Variants in CCDC85A observed in about 807,000 individuals in gnomAD.
The protein encoded by CCDC85A is coiled-coil domain containing 85A.
Under a neutral mutation model 50.2 loss-of-function variants are expected in CCDC85A, and 38 were observed. The ratio of observed to expected loss-of-function variants is 0.76; its 90% CI spans 0.58 to 0.99. The LOEUF is 0.99. Ranked by LOEUF, CCDC85A falls within the 50% of genes least tolerant of loss-of-function variation. The pLI, the probability that CCDC85A is intolerant of heterozygous loss-of-function variation, is 0.00. For missense variants in CCDC85A, 820 were observed against 742.0 expected (o/e 1.11, Z -1.22); for synonymous variants, 366 against 301.4 (o/e 1.21, Z -2.22).
intron 2 of CCDC85A, among the ~76,000 whole-genome samples, chr2:56,278,489 T>G (rs1188735146): frequency 1.3e-5 from 2 of 152,186 alleles, no homozygotes; most frequent in Non-Finnish European, 2.9e-5. Flanking sequence ...TGATATCTGG[T>G]TCAAGGATCA....
At chr2:56,340,497 G>A (rs540833630) in intron 2 of CCDC85A, among the ~76,000 whole-genome samples, 1 of 152,162 alleles carries the variant, frequency 6.6e-6, no homozygotes, top group Non-Finnish European at 1.5e-5. Flanking sequence ...AGCAGCCCCA[G>A]TTCTTGCCCC....
chr2:56,331,655 G>A (rs1673802055), intron 2 of CCDC85A, among the ~76,000 whole-genome samples: 1 of 152,084 alleles, frequency 6.6e-6, no homozygotes, highest in Admixed American at 6.6e-5. Flanking sequence ...TGATTTATAT[G>A]CAAACCATCA....
chr2:56,381,232 T>C (rs1272261334), intron 5 of CCDC85A, among the ~76,000 whole-genome samples: 1 of 152,134 alleles, frequency 6.6e-6, no homozygotes, highest in Non-Finnish European at 1.5e-5. Flanking sequence ...TGCACCACCA[T>C]TCACTTTCTG....
intron 2 of CCDC85A, among the ~76,000 whole-genome samples, chr2:56,233,884 T>G (rs1573069102): frequency 6.6e-6 from 1 of 152,138 alleles, no homozygotes; most frequent in African/African-American, 2.4e-5. Flanking sequence ...TGTTTTGCAG[T>G]CTGGGTGGAT....
At chr2:56,379,050 A>C (rs190683332) in intron 5 of CCDC85A, among the ~76,000 whole-genome samples, 8 of 152,338 alleles carry the variant, frequency 5.3e-5, no homozygotes, top group Admixed American at 3.3e-4. Flanking sequence ...CAACGTGTTT[A>C]GGGCTAATTT....
At chr2:56,210,599 G>C (rs558734670) in intron 2 of CCDC85A, among the ~76,000 whole-genome samples, 3 of 152,134 alleles carry the variant, frequency 2.0e-5, no homozygotes, top group African/African-American at 7.2e-5. Context: ...GGGACCATCT[G>C]GAGGTAACTT....
At chr2:56,371,299 AC>A (rs1676059432) in intron 3 of CCDC85A, among the ~76,000 whole-genome samples, 1 of 152,090 alleles carries the variant, frequency 6.6e-6, no homozygotes, top group South Asian at 2.1e-4. Flanking sequence ...TTCACTTAAG[AC>A]CATGGTGCAT....
intron 2 of CCDC85A, among the ~76,000 whole-genome samples, chr2:56,291,520 A>G (rs959818739): frequency 6.6e-6 from 1 of 152,194 alleles, no homozygotes; most frequent in Non-Finnish European, 1.5e-5. Flanking sequence ...TGAGTAGATG[A>G]TATTTAAGCT....
At chr2:56,337,906 T>C (rs1449086117) in intron 2 of CCDC85A, among the ~76,000 whole-genome samples, 3 of 151,808 alleles carry the variant, frequency 2.0e-5, no homozygotes, top group Non-Finnish European at 4.4e-5. Context: ...TGCCTCAGCC[T>C]CCCGAGTAGC....
intron 2 of CCDC85A, among the ~76,000 whole-genome samples, chr2:56,233,586 A>G (rs181786854): frequency 6.6e-6 from 1 of 152,342 alleles, no homozygotes; most frequent in East Asian, 1.9e-4. Flanking sequence ...TTGGAATTTT[A>G]CATATTTTAC....
At position 56,375,822 on chromosome 2, in the gene CCDC85A, T is replaced by C. The variant is rs755044024; in HGVS notation, c.1459T>C (p.Phe487Leu). 4.3e-6 allele frequency: 7 copies of C among 1,613,546 alleles called. No individual in the cohort carries two copies. Among genetic ancestry groups the C allele is most frequent in the Non-Finnish European group, 5.9e-6 (7 of 1,179,714 alleles). Residue 487 changes from phenylalanine to leucine, a missense_variant, in exon 5 of 6, where the codon TTT becomes CTT. Physicochemically the swap from Phe to Leu is conservative, Grantham distance 22. Coordinates refer to ENST00000407595, the MANE Select transcript of CCDC85A (RefSeq NM_001080433.2). ...GRCLPTLPGS[F>L]RLSSGADGSN... is the part of the protein sequence containing the mutation. ...TTGTTGATTTTCTACTAAGGGTTCT[T>C]TTAGGTTGTCATCAGGGGCTGATGG...
chr2:56,307,855 C>A (rs1335879660), intron 2 of CCDC85A, among the ~76,000 whole-genome samples: 2 of 152,178 alleles, frequency 1.3e-5, no homozygotes. Flanking sequence ...ATAGATAGGA[C>A]TGAGTGCTTC....
chr2:56,275,894 A>C (rs214041), intron 2 of CCDC85A, among the ~76,000 whole-genome samples: 101,787 of 151,976 alleles, frequency 0.67, 34,443 homozygotes, highest in East Asian at 0.83. Context: ...AGTAAATCTG[A>C]CCTTTTGTTT....
intron 2 of CCDC85A, among the ~76,000 whole-genome samples, chr2:56,296,685 C>T (rs1468389181): frequency 6.6e-6 from 1 of 152,066 alleles, no homozygotes; most frequent in Non-Finnish European, 1.5e-5. Flanking sequence ...ACATCTGGGG[C>T]ATGAGGGAAG....
chr2:56,196,741 G>T (rs1676535779), intron 2 of CCDC85A, among the ~76,000 whole-genome samples: 1 of 152,056 alleles, frequency 6.6e-6, no homozygotes, highest in Admixed American at 6.5e-5. Flanking sequence ...CTCACCCACT[G>T]GACATAATGA....
At chr2:56,297,591 A>G (rs1284060147) in intron 2 of CCDC85A, among the ~76,000 whole-genome samples, 2 of 152,176 alleles carry the variant, frequency 1.3e-5, no homozygotes, top group African/African-American at 4.8e-5. Context: ...GGCCATGGAA[A>G]GCGGCCCCTC....
intron 2 of CCDC85A, among the ~76,000 whole-genome samples, chr2:56,205,916 G>A (rs1456504223): frequency 2.0e-5 from 3 of 152,178 alleles, no homozygotes; most frequent in Non-Finnish European, 4.4e-5. Flanking sequence ...TGGGAGATGG[G>A]TCATTGGCTG....
At chr2:56,276,375 C>T (rs958124676) in intron 2 of CCDC85A, among the ~76,000 whole-genome samples, 5 of 151,952 alleles carry the variant, frequency 3.3e-5, no homozygotes, top group South Asian at 4.1e-4. Flanking sequence ...GTGAGTGATT[C>T]GGTTTGACTG....
chr2:56,220,756 G>A lies in CCDC85A; in HGVS notation c.1240+27316G>A, dbSNP rs189984100. ...CATTGTCTAAAAGCTAAGTAAGGTC[G>A]GCTTAACCTACAAAATACTGATAAA... On this transcript the variant is annotated intron_variant, in intron 2 of 5. Transcript: ENST00000407595. 5.9e-5 allele frequency among the ~76,000 whole-genome samples: 9 copies of A among 152,040 alleles called. No individual in the cohort carries two copies. In the East Asian group the frequency reaches 9.7e-4, roughly 16 times the overall value.
Sources: gnomAD v4.1 joint callset for allele counts (sites outside exome capture counted in the v4.1 genomes callset) on GRCh38, gnomAD v4.1.1 for gene constraint, MANE v1.5 for transcripts, NCBI Gene and HGNC (gene_info 2026-07-23, HGNC 2026-07-21) for gene names.